NEBL: variants seen among roughly 807,000 people sequenced by gnomAD.
NEBL encodes the protein LIM and SH3 protein 2.
Under a neutral mutation model 140.2 loss-of-function variants are expected in NEBL, and 122 were observed. The observed-to-expected ratio is 0.87, with a 90% confidence interval of 0.75 to 1.01. The LOEUF is 1.01. NEBL is among the 50% of genes least tolerant of loss of function. The pLI, the probability that NEBL is intolerant of heterozygous loss-of-function variation, is 0.00. For missense variants in NEBL, 1,365 were observed against 1,231.3 expected, an observed-to-expected ratio of 1.11 and a Z score of -1.62; for synonymous variants, 436 against 398.9, an observed-to-expected ratio of 1.09 and a Z score of -1.11.
chr10:21,208,927 C>T (rs1841872314), intron 3 of NEBL, among the ~76,000 whole-genome samples: 1 of 152,202 alleles, frequency 6.6e-6, no homozygotes, highest in Non-Finnish European at 1.5e-5. Context: ...GTCAAGACTG[C>T]TCCTGGTAGC....
At chr10:20,809,224 T>C (rs1347521759) in intron 25 of NEBL, among the ~76,000 whole-genome samples, 1 of 152,086 alleles carries the variant, frequency 6.6e-6, no homozygotes, top group African/African-American at 2.4e-5. Flanking sequence ...TCAGAGAAAA[T>C]TTGAAATGTC....
rs190356740 is a variant in NEBL at position 20,873,598 on chromosome 10, T to C, written c.481-3757A>G. Among the ~76,000 whole-genome samples the C allele has an allele frequency of 2.3e-3, 345 of 152,294 alleles. 2 individuals are homozygous for C. Among genetic ancestry groups the C allele is most frequent in the African/African-American group, 8.2e-3 (340 of 41,560 alleles). On this transcript the variant is annotated intron_variant, in intron 5 of 27. Transcript: ENST00000377122. ...TGATAGTCTCAATTTTAGACTATTA[T>C]GTACCATATTAAGGACTTAACATTC...
intron 4 of NEBL, among the ~76,000 whole-genome samples, chr10:20,926,493 T>C (rs887801001): frequency 3.9e-5 from 6 of 152,222 alleles, no homozygotes; most frequent in African/African-American, 9.6e-5. Context: ...TGCCTATACC[T>C]ATATGAAAAT....
intron 2 of NEBL, among the ~76,000 whole-genome samples, chr10:21,077,247 T>C (rs1836140299): frequency 6.6e-6 from 1 of 152,090 alleles, no homozygotes; most frequent in Admixed American, 6.5e-5. Flanking sequence ...ATCAAAGGAA[T>C]TGGGGGAAGA....
chr10:20,852,301 A>G (rs1256367882), intron 10 of NEBL, among the ~76,000 whole-genome samples: 1 of 152,210 alleles, frequency 6.6e-6, no homozygotes, highest in Non-Finnish European at 1.5e-5. Context: ...CTTTTTAATT[A>G]TGTGAATTAA....
chr10:21,101,642 T>C (rs1312147237), intron 2 of NEBL, among the ~76,000 whole-genome samples: 1 of 152,200 alleles, frequency 6.6e-6, no homozygotes, highest in Non-Finnish European at 1.5e-5. Flanking sequence ...TTGTTTGGCT[T>C]CTCTGTCACT....
chr10:20,897,073 T>G (rs763105956), intron 1 of NEBL, 44 bp from the exon 2 acceptor site: 3 of 1,603,644 alleles, frequency 1.9e-6, no homozygotes, highest in Middle Eastern at 1.7e-4. Flanking sequence ...ATTTTTCTCA[T>G]TGTCAATTTA....
chr10:20,902,483 G>A (rs1302090377), intron 4 of NEBL, among the ~76,000 whole-genome samples: 1 of 152,050 alleles, frequency 6.6e-6, no homozygotes, highest in Admixed American at 6.6e-5. Context: ...ACTCACAAAT[G>A]AGAGCTACAT....
At chr10:21,020,322 G>T in intron 2 of NEBL, 6 of 832,480 alleles carry the variant, frequency 7.2e-6, no homozygotes, top group Non-Finnish European at 6.0e-6. Context: ...AGAGGGACCT[G>T]AGCTTGGCTA....
intron 3 of NEBL, among the ~76,000 whole-genome samples, chr10:21,235,203 G>A (rs918504099): frequency 6.6e-6 from 1 of 152,120 alleles, no homozygotes; most frequent in African/African-American, 2.4e-5. Context: ...AGCTGAAGCG[G>A]GAGGATCACT....
intron 3 of NEBL, among the ~76,000 whole-genome samples, chr10:21,238,716 TA>T (rs35732687): frequency 0.35 from 32,663 of 93,952 alleles, 4,238 homozygotes; most frequent in East Asian, 0.71. Flanking sequence ...TCAAAAAAAT[TA>T]AAAAAAAAAA....
At chr10:21,284,995 T>G (rs1276898082) in intron 1 of NEBL, among the ~76,000 whole-genome samples, 1 of 152,150 alleles carries the variant, frequency 6.6e-6, no homozygotes, top group Admixed American at 6.5e-5. Context: ...CCCAGGAATT[T>G]GAGGCTACAG....
intron 5 of NEBL, among the ~76,000 whole-genome samples, 189 bp from the exon 6 acceptor site, chr10:20,870,030 A>T (rs1844760389): frequency 6.6e-6 from 1 of 151,938 alleles, no homozygotes. Flanking sequence ...TGTCTCACTG[A>T]TATTAACATA....
intron 2 of NEBL, among the ~76,000 whole-genome samples, chr10:21,090,553 T>C (rs1006909841): frequency 2.6e-4 from 40 of 152,218 alleles, no homozygotes; most frequent in African/African-American, 9.7e-4. Context: ...TGAGGGACTG[T>C]ATTCCCTCCT....
intron 7 of NEBL, among the ~76,000 whole-genome samples, chr10:20,866,102 A>G (rs1242582248): frequency 6.6e-6 from 1 of 152,164 alleles, no homozygotes; most frequent in Admixed American, 6.6e-5. Context: ...TTAACATGGC[A>G]AAAAGTAGTT....
intron 2 of NEBL, among the ~76,000 whole-genome samples, chr10:21,131,223 G>A (rs73607602): frequency 0.045 from 6,872 of 152,252 alleles, 530 homozygotes; most frequent in African/African-American, 0.16. Context: ...GCCCATATCT[G>A]TTCAAGAAAT....
intron 3 of NEBL, among the ~76,000 whole-genome samples, chr10:21,219,716 G>T (rs1222320915): frequency 6.6e-6 from 1 of 152,112 alleles, no homozygotes; most frequent in African/African-American, 2.4e-5. Context: ...GCCAATTCAT[G>T]AACATAGGAT....
chr10:20,812,311 A>G (rs1838229269), intron 24 of NEBL, among the ~76,000 whole-genome samples: 1 of 152,044 alleles, frequency 6.6e-6, no homozygotes. Context: ...CTTAACAAGG[A>G]GGAACATTCT....
intron 3 of NEBL, among the ~76,000 whole-genome samples, chr10:21,184,052 T>C (rs1841427178): frequency 6.6e-6 from 1 of 152,198 alleles, no homozygotes; most frequent in Non-Finnish European, 1.5e-5. Flanking sequence ...ACCTCTTTCT[T>C]TTGAAAATTT....
Sources: gnomAD v4.1 joint callset for allele counts (sites outside exome capture counted in the v4.1 genomes callset) on GRCh38, gnomAD v4.1.1 for gene constraint, MANE v1.5 for transcripts, NCBI Gene and HGNC (gene_info 2026-07-23, HGNC 2026-07-21) for gene names.